Variants in VPS37C observed in about 807,000 individuals in gnomAD.
VPS37C encodes the protein vacuolar protein sorting-associated protein 37C.
A neutral mutation model predicts 16.1 loss-of-function variants in VPS37C; 9 were observed. The observed-to-expected ratio is 0.56, with a 90% CI of 0.34 to 0.97. The LOEUF is 0.97. VPS37C is among the 50% of genes least tolerant of loss of function. The pLI is 0.02. For synonymous variants in VPS37C, 207 were observed against 206.4 expected, an observed-to-expected ratio of 1.00 and a Z score of -0.02; for missense variants, 479 against 472.7, an observed-to-expected ratio of 1.01 and a Z score of -0.12.
intron 1 of VPS37C, among the ~76,000 whole-genome samples, chr11:61,158,231 C>T (rs914739421): frequency 1.3e-5 from 2 of 152,098 alleles, no homozygotes; most frequent in African/African-American, 4.8e-5. Context: ...ACATGTGAAA[C>T]ACAAATTGAT....
At chr11:61,137,343 C>A (rs565241720) in intron 2 of VPS37C, among the ~76,000 whole-genome samples, 1 of 152,196 alleles carries the variant, frequency 6.6e-6, no homozygotes, top group Non-Finnish European at 1.5e-5. Flanking sequence ...ACCTGATCCA[C>A]GAGTGTTTTT....
chr11:61,131,878 C>G lies in VPS37C; in HGVS notation c.1010G>C (p.Gly337Ala). 2.4e-6 allele frequency: 3 copies of G among 1,272,214 alleles called. No individual in the cohort carries two copies. The highest frequency in any genetic ancestry group is 3.0e-6 in the Non-Finnish European group (3 of 1,003,458). The allele number at this position is 1,272,214 out of a possible 1,614,324, so 78.8% of individuals were successfully genotyped here. A position where few individuals can be genotyped will look rare whatever the true frequency, so the allele number is the denominator to read the frequency against. Residue 337 changes from glycine to alanine, a missense_variant, in exon 5 of 5, where the codon GGG (glycine) becomes GCG (alanine). Coordinates refer to ENST00000301765, the MANE Select transcript of VPS37C (RefSeq NM_017966.5). ...TGGGAACCCATAGGGAGGGGCGGGC[C>G]CGGGGGGATAAGGGGGCTGCAGGGG... ...SVPLQPPYPPGPAPPYGFPPP... is the reference protein window; with the variant it reads ...SVPLQPPYPPAPAPPYGFPPP...
chr11:61,131,665 G>A lies in VPS37C; in HGVS notation c.*155C>T, dbSNP rs971557840. 4.2e-5 allele frequency: 45 copies of A among 1,068,428 alleles called. No individual in the cohort carries two copies. Among genetic ancestry groups the A allele is most frequent in the Admixed American group, 3.4e-4 (8 of 23,508 alleles). The allele number at this position is 1,068,428 out of a possible 1,614,324, so 66.2% of individuals were successfully genotyped here. On this transcript the variant is annotated 3_prime_UTR_variant, in exon 5 of 5. Coordinates refer to ENST00000301765, the MANE Select transcript of VPS37C (RefSeq NM_017966.5). The stretch of plus-strand genomic sequence containing the variant: ...AGCAAGTGCCATGACCAGTCACACC[G>A]CCCAGTGCCTTGTCCCTCCAAGGCC...
At chr11:61,155,755 T>C (rs940670758) in intron 1 of VPS37C, among the ~76,000 whole-genome samples, 3 of 152,026 alleles carry the variant, frequency 2.0e-5, no homozygotes, top group African/African-American at 7.3e-5. Context: ...AGAAGGAACA[T>C]GAAACAAGAT....
intron 1 of VPS37C, among the ~76,000 whole-genome samples, chr11:61,151,933 A>T (rs1201038109): frequency 1.3e-5 from 2 of 152,190 alleles, no homozygotes; most frequent in East Asian, 3.8e-4. Context: ...AAAGGAAAAC[A>T]TACTGACTTC....
chr11:61,153,748 C>T (rs1279038191), intron 1 of VPS37C, among the ~76,000 whole-genome samples: 2 of 152,214 alleles, frequency 1.3e-5, no homozygotes, highest in Non-Finnish European at 2.9e-5. Context: ...GGAATTCACA[C>T]TCCAGGGAGG....
chr11:61,131,672 G>A lies in VPS37C; in HGVS notation c.*148C>T. The A allele has an allele frequency of 3.6e-6, 4 of 1,121,090 alleles. No individual in the cohort carries two copies. Among genetic ancestry groups the A allele is most frequent in the Non-Finnish European group, 4.5e-6 (4 of 887,380 alleles). The allele number at this position is 1,121,090 out of a possible 1,614,324, so 69.4% of individuals were successfully genotyped here. A position where few individuals can be genotyped will look rare whatever the true frequency, so the allele number is the denominator to read the frequency against. The stretch of plus-strand genomic sequence containing the variant: ...GCCATGACCAGTCACACCGCCCAGT[G>A]CCTTGTCCCTCCAAGGCCTCTGGGT... On this transcript the variant is annotated 3_prime_UTR_variant, in exon 5 of 5. Transcript: ENST00000301765.
chr11:61,159,160 C>T (rs1452383274), intron 1 of VPS37C, among the ~76,000 whole-genome samples: 2 of 152,154 alleles, frequency 1.3e-5, no homozygotes, highest in Non-Finnish European at 2.9e-5. Context: ...TTTTTAAGGG[C>T]AAATTAACAA....
At chr11:61,140,102 C>T (rs1306622096) in intron 1 of VPS37C, among the ~76,000 whole-genome samples, 1 of 152,082 alleles carries the variant, frequency 6.6e-6, no homozygotes, top group African/African-American at 2.4e-5. Flanking sequence ...CAAAAGATTC[C>T]AGCACCACAG....
intron 1 of VPS37C, among the ~76,000 whole-genome samples, chr11:61,157,244 C>T (rs1010005384): frequency 3.9e-5 from 6 of 152,304 alleles, no homozygotes; most frequent in Admixed American, 2.0e-4. Flanking sequence ...CCCTTATTTT[C>T]GTATATACCC....
intron 1 of VPS37C, among the ~76,000 whole-genome samples, chr11:61,141,536 C>T (rs1804341476): frequency 6.6e-6 from 1 of 152,066 alleles, no homozygotes; most frequent in South Asian, 2.1e-4. Context: ...TGTGAAGATA[C>T]CGAAACACAT....
intron 4 of VPS37C, chr11:61,132,757 G>C: frequency 2.9e-6 from 2 of 687,582 alleles, no homozygotes; most frequent in South Asian, 4.0e-5. Context: ...GACTGTCTCT[G>C]TCGTGGTCAC....
intron 2 of VPS37C, chr11:61,138,236 A>C (rs1002678988): frequency 6.4e-6 from 1 of 156,624 alleles, no homozygotes; most frequent in African/African-American, 2.4e-5. Context: ...ATTAAGTGTA[A>C]ATCTCTGCAC....
intron 1 of VPS37C, among the ~76,000 whole-genome samples, chr11:61,160,798 T>A: frequency 6.6e-6 from 1 of 152,326 alleles, no homozygotes. Context: ...TCAGTGCCCT[T>A]TGCGCCCAGA....
chr11:61,148,277 A>C, intron 1 of VPS37C, among the ~76,000 whole-genome samples: 1 of 152,156 alleles, frequency 6.6e-6, no homozygotes, highest in Non-Finnish European at 1.5e-5. Flanking sequence ...GCCCGAAATC[A>C]CACTGCAAGA....
intron 2 of VPS37C, 122 bp from the exon 3 acceptor site, chr11:61,134,329 G>A: frequency 1.0e-5 from 11 of 1,071,380 alleles, no homozygotes; most frequent in Non-Finnish European, 1.5e-5. Context: ...CATCCTTGGG[G>A]CAATACTCAG....
chr11:61,135,930 T>C (rs1861362779), intron 2 of VPS37C, among the ~76,000 whole-genome samples: 1 of 152,242 alleles, frequency 6.6e-6, no homozygotes, highest in Non-Finnish European at 1.5e-5. Context: ...TTCTGCTCCC[T>C]GTCTCCACAG....
chr11:61,154,981 G>A (rs893302624), intron 1 of VPS37C, among the ~76,000 whole-genome samples: 1 of 152,018 alleles, frequency 6.6e-6, no homozygotes, highest in Non-Finnish European at 1.5e-5. Context: ...GCACACACCT[G>A]TGGTCCCAAC....
chr11:61,132,983 C>T, intron 4 of VPS37C: 1 of 567,808 alleles, frequency 1.8e-6, no homozygotes, highest in Non-Finnish European at 3.2e-6. Flanking sequence ...CTGGCCTCAG[C>T]CCCTGGGGGC....
Sources: gnomAD v4.1 joint callset for allele counts (sites outside exome capture counted in the v4.1 genomes callset) on GRCh38, gnomAD v4.1.1 for gene constraint, MANE v1.5 for transcripts, NCBI Gene and HGNC (gene_info 2026-07-23, HGNC 2026-07-21) for gene names.